Variants in EFR3B observed in about 807,000 individuals in gnomAD.
The protein encoded by EFR3B is protein EFR3 homolog B.
EFR3B carries 64 observed loss-of-function variants against 104.7 expected under a neutral mutation model. The observed-to-expected ratio is 0.61, with a 90% confidence interval of 0.50 to 0.75. EFR3B has a LOEUF of 0.75. Among genes scored for constraint, EFR3B ranks in the 30% least tolerant of loss-of-function variants. The pLI is 0.00. For synonymous variants in EFR3B, 385 were observed against 417.9 expected (o/e 0.92, Z 0.96); for missense variants, 750 against 1,078.5 (o/e 0.70, Z 4.27).
chr2:25,052,423 G>C (rs529671578), intron 1 of EFR3B, among the ~76,000 whole-genome samples: 8 of 151,298 alleles, frequency 5.3e-5, no homozygotes, highest in Admixed American at 4.6e-4. Flanking sequence ...CCTCAGGTGG[G>C]TTCTGAGTAA....
chr2:25,116,515 T>C (rs1391630009), intron 4 of EFR3B, among the ~76,000 whole-genome samples: 1 of 144,788 alleles, frequency 6.9e-6, no homozygotes, highest in Admixed American at 7.5e-5. Context: ...TCCTAGCTTT[T>C]TGGGAGGCTG....
In EFR3B at chr2:25,124,436, G is replaced by A. The variant is rs562257360; in HGVS notation, c.485+2642G>A. Reference sequence around the variant, plus strand: ...AGATCTCCACTGTGCCCATTAAGAGGAGCAGTAGGGCCGGGCGCAGTGGCT... The same window carrying A: ...AGATCTCCACTGTGCCCATTAAGAGAAGCAGTAGGGCCGGGCGCAGTGGCT... On this transcript the variant is annotated intron_variant, in intron 5 of 22. Transcript: ENST00000403714. Among the ~76,000 whole-genome samples the A allele has an allele frequency of 4.0e-4, 60 of 150,440 alleles. 1 individual carries two copies. Among genetic ancestry groups the A allele is most frequent in the Non-Finnish European group, 1.6e-4 (11 of 67,538 alleles).
chr2:25,147,725 A>G (rs1351578205), intron 19 of EFR3B: 7 of 152,186 alleles, frequency 4.6e-5, no homozygotes, highest in African/African-American at 1.7e-4. Context: ...TTATGTTTAA[A>G]TGATAGAGCA....
chr2:25,068,037 C>T lies in EFR3B; in HGVS notation c.8-23288C>T, dbSNP rs117916535. On this transcript the variant is annotated intron_variant, in intron 1 of 22. Transcript: ENST00000403714. ...TGTTTCCAAACAAAGGCACCAGATC[C>T]ATCTCTTACCTGCTTCCCTGTGCAT... 1.4e-3 allele frequency among the ~76,000 whole-genome samples: 212 copies of T among 152,196 alleles called. 1 individual carries two copies. In the East Asian group the frequency reaches 0.032, roughly 23 times the overall value.
chr2:25,050,345 G>C (rs889885652), intron 1 of EFR3B, among the ~76,000 whole-genome samples: 10 of 152,118 alleles, frequency 6.6e-5, no homozygotes, highest in African/African-American at 2.4e-4. Flanking sequence ...TGCAGCCACA[G>C]GTGTGGCTTA....
chr2:25,131,521 G>A lies in EFR3B; in HGVS notation c.985+18G>A, dbSNP rs1253597875. On this transcript the variant is annotated intron_variant, in intron 9 of 22. Coordinates refer to ENST00000403714, the MANE Select transcript of EFR3B (RefSeq NM_014971.2). The surrounding 1 kb of genome is among the most constrained non-coding windows in gnomAD (Gnocchi z 7.6). ...CTCTGTGGGTAAGGGGCATGGCTAG[G>A]GCCTGAGGGCCGGGGACCCCGCGGA... 1 of 1,547,478 alleles carries A rather than the reference G, an allele frequency of 6.5e-7. No individual in the cohort carries two copies. Among genetic ancestry groups the A allele is most frequent in the Non-Finnish European group, 8.7e-7 (1 of 1,146,148 alleles).
In EFR3B at chr2:25,133,034, C is replaced by A; in HGVS notation, c.1259+20C>A. The A allele has an allele frequency of 6.5e-7, 1 of 1,543,494 alleles. No individual in the cohort carries two copies. The highest frequency in any genetic ancestry group is 8.8e-7 in the Non-Finnish European group (1 of 1,139,772). On this transcript the variant is annotated intron_variant, in intron 11 of 22. Coordinates refer to ENST00000403714, the MANE Select transcript of EFR3B (RefSeq NM_014971.2). ...GACGGGGTGAGCCACCAATCTCCCC[C>A]AGCCTGGAGTCCTCCTCTCCCCCAG... is the stretch of plus-strand genomic sequence containing the variant.
intron 3 of EFR3B, 81 bp downstream of exon 3, chr2:25,093,211 A>T: frequency 4.0e-6 from 6 of 1,494,504 alleles, no homozygotes; most frequent in Non-Finnish European, 5.4e-6. Flanking sequence ...TAAGAAAATG[A>T]TGGCCAGGCA....
At chr2:25,107,681 T>G (rs2149193729) in intron 4 of EFR3B, among the ~76,000 whole-genome samples, 1 of 152,210 alleles carries the variant, frequency 6.6e-6, no homozygotes, top group East Asian at 1.9e-4. Context: ...CATATAGATA[T>G]TCATACAGCT....
intron 4 of EFR3B, among the ~76,000 whole-genome samples, chr2:25,119,869 A>C (rs1573216517): frequency 6.6e-6 from 1 of 152,214 alleles, no homozygotes; most frequent in African/African-American, 2.4e-5. Context: ...TACAGACACA[A>C]ATTGACAATA....
rs185497133 is a variant in EFR3B, at chr2:25,137,898, G to A, written c.1722+396G>A. On this transcript the variant is annotated intron_variant, in intron 15 of 22. Transcript: ENST00000403714. This position sits in a 1 kb window ranked among gnomAD's most constrained non-coding sequence, Gnocchi z 4.7. Reference sequence around the variant, plus strand: ...GATTCTCTGGTTCCCTTGGCCGGGCGTGGTGGCTCATGCCTGTAATCCCAG... The same window carrying A: ...GATTCTCTGGTTCCCTTGGCCGGGCATGGTGGCTCATGCCTGTAATCCCAG... Among the ~76,000 whole-genome samples, 22 of 152,308 alleles carry A rather than the reference G, an allele frequency of 1.4e-4. No homozygotes were observed. The highest frequency in any genetic ancestry group is 4.1e-4 in the South Asian group (2 of 4,826).
chr2:25,052,170 T>G (rs1327137480), intron 1 of EFR3B, among the ~76,000 whole-genome samples: 6 of 151,432 alleles, frequency 4.0e-5, no homozygotes, highest in African/African-American at 1.5e-4. Context: ...GGCTCCAGCC[T>G]GGGCAACAAG....
chr2:25,134,557 C>T (rs570756712), intron 12 of EFR3B, among the ~76,000 whole-genome samples: 1 of 152,188 alleles, frequency 6.6e-6, no homozygotes, highest in Non-Finnish European at 1.5e-5. Context: ...CCTAGACCTC[C>T]TGTCTCATCT....
Position 25,130,457 on chromosome 2 carries a change from C to A in EFR3B, c.771-95C>A. 9.0e-7 allele frequency: 1 copy of A among 1,113,698 alleles called. No homozygotes were observed. The highest frequency in any genetic ancestry group is 1.3e-6 in the Non-Finnish European group (1 of 747,932). 69.0% of individuals were successfully genotyped at this position (1,113,698 alleles called of 1,614,324 possible). A position where few individuals can be genotyped will look rare whatever the true frequency, so the allele number is the denominator to read the frequency against. On this transcript the variant is annotated intron_variant, in intron 7 of 22. Coordinates refer to ENST00000403714, the MANE Select transcript of EFR3B (RefSeq NM_014971.2). The surrounding 1 kb of genome is among the most constrained non-coding windows in gnomAD (Gnocchi z 4.6). ...CCTCACCCGGGAACTGTGCGAGGGG[C>A]TCTGAGAAGGTGTCCCTCTGCCTCC... is the stretch of plus-strand genomic sequence containing the variant.
At chr2:25,151,630 G>C (rs551277339) in intron 20 of EFR3B, among the ~76,000 whole-genome samples, 9 of 152,120 alleles carry the variant, frequency 5.9e-5, no homozygotes, top group Non-Finnish European at 1.2e-4. Flanking sequence ...TAAGAGTCCC[G>C]GTGGGAGAGC....
intron 1 of EFR3B, among the ~76,000 whole-genome samples, chr2:25,071,010 G>T (rs970133745): frequency 6.6e-6 from 1 of 152,188 alleles, no homozygotes; most frequent in African/African-American, 2.4e-5. Flanking sequence ...GCCCAGACTG[G>T]AGTGCACTGG....
chr2:25,093,750 C>T (rs1039905114), intron 3 of EFR3B, among the ~76,000 whole-genome samples: 19 of 152,124 alleles, frequency 1.2e-4, no homozygotes, highest in Non-Finnish European at 2.1e-4. Context: ...GCACCACCAT[C>T]CTCATCCAAC....
intron 4 of EFR3B, among the ~76,000 whole-genome samples, chr2:25,117,412 CTTT>C (rs34515768): frequency 1.4e-5 from 2 of 139,244 alleles, no homozygotes. Context: ...CCCCCACCCT[CTTT>C]TTTTTTTTTT....
chr2:25,087,413 G>T (rs1668984873), intron 1 of EFR3B, among the ~76,000 whole-genome samples: 1 of 150,670 alleles, frequency 6.6e-6, no homozygotes. Flanking sequence ...TATTAGCTAT[G>T]TCTTCTACAA....
Sources: allele counts gnomAD v4.1 joint callset (sites outside exome capture counted in the v4.1 genomes callset), GRCh38; gene constraint gnomAD v4.1.1; non-coding constraint Gnocchi (gnomAD v3.1); transcripts MANE v1.5; gene names NCBI Gene and HGNC (gene_info 2026-07-23, HGNC 2026-07-21).